CSNK1G2: variants seen among roughly 807,000 people sequenced by gnomAD.
The protein encoded by CSNK1G2 is casein kinase 1 gamma 2.
In CSNK1G2, 11 loss-of-function variants were observed where a neutral mutation model predicts 48.0. That is an observed-to-expected ratio of 0.23 (90% confidence interval 0.14 to 0.38). CSNK1G2 has a LOEUF of 0.38. Among genes scored for constraint, CSNK1G2 ranks in the 10% least tolerant of loss-of-function variants. CSNK1G2 has a pLI of 1.00. For synonymous variants in CSNK1G2, 337 were observed against 254.1 expected, an observed-to-expected ratio of 1.33 and a Z score of -3.10; for missense variants, 446 against 595.5, an observed-to-expected ratio of 0.75 and a Z score of 2.61.
intron 1 of CSNK1G2, among the ~76,000 whole-genome samples, chr19:1,960,384 C>G (rs1414269507): frequency 1.3e-5 from 2 of 152,202 alleles, no homozygotes; most frequent in African/African-American, 4.8e-5. Context: ...CTCGGGCAGC[C>G]TCCAGCCCTC....
At chr19:1,971,925 A>C (rs2015587075) in intron 2 of CSNK1G2, among the ~76,000 whole-genome samples, 1 of 151,902 alleles carries the variant, frequency 6.6e-6, no homozygotes, top group African/African-American at 2.4e-5. Context: ...GCCCGCCACC[A>C]CACCCGGCTA....
intron 1 of CSNK1G2, among the ~76,000 whole-genome samples, chr19:1,963,152 CAG>C (rs927142178): frequency 1.6e-4 from 24 of 152,134 alleles, no homozygotes; most frequent in African/African-American, 5.6e-4. Flanking sequence ...GCCACAGAGA[CAG>C]GGAGTAACGT....
chr19:1,942,679 G>C (rs564679918), intron 1 of CSNK1G2: 3 of 152,436 alleles, frequency 2.0e-5, no homozygotes, highest in Admixed American at 1.3e-4. Flanking sequence ...TCGGATTAGG[G>C]AGGGGGCTGG....
intron 1 of CSNK1G2, among the ~76,000 whole-genome samples, chr19:1,946,286 ATTT>A (rs763689360): frequency 0.018 from 2,520 of 140,554 alleles, 63 homozygotes; most frequent in African/African-American, 0.058. Flanking sequence ...TTATTTATTT[ATTT>A]TTTATTTATT....
chr19:1,952,336 T>C (rs1002040791), intron 1 of CSNK1G2, among the ~76,000 whole-genome samples: 15 of 151,964 alleles, frequency 9.9e-5, no homozygotes, highest in Non-Finnish European at 2.1e-4. Context: ...TTTTTTTTTT[T>C]TCTTGAGACA....
chr19:1,966,189 T>G (rs2015360440), intron 1 of CSNK1G2, among the ~76,000 whole-genome samples: 1 of 152,152 alleles, frequency 6.6e-6, no homozygotes, highest in South Asian at 2.1e-4. Context: ...CTGGGGAAAT[T>G]GGGTAAATTG....
chr19:1,950,270 G>C (rs944862971), intron 1 of CSNK1G2, among the ~76,000 whole-genome samples: 3 of 151,840 alleles, frequency 2.0e-5, no homozygotes, highest in Non-Finnish European at 2.9e-5. Flanking sequence ...CTCCCGAGTA[G>C]CTGGGACTAC....
chr19:1,970,716 C>T lies in CSNK1G2; in HGVS notation c.187+757C>T, dbSNP rs186321995. On this transcript the variant is annotated intron_variant, in intron 2 of 11. Transcript: ENST00000255641. Reference sequence around the variant, plus strand: ...AAATTTATTGCTGGTGCTGCCGGAGCTCCTGCGGGAGGGCATTTGGCGTCT... The same window carrying T: ...AAATTTATTGCTGGTGCTGCCGGAGTTCCTGCGGGAGGGCATTTGGCGTCT... Among the ~76,000 whole-genome samples the T allele has an allele frequency of 5.8e-4, 88 of 152,332 alleles. No homozygotes were observed. In the Middle Eastern group the frequency reaches 0.014, roughly 24 times the overall value.
intron 2 of CSNK1G2, among the ~76,000 whole-genome samples, chr19:1,970,565 C>A (rs571175803): frequency 6.6e-6 from 1 of 152,320 alleles, no homozygotes; most frequent in South Asian, 2.1e-4. Flanking sequence ...GCCAGGGGTG[C>A]CTTCCCTGGG....
chr19:1,974,729 G>T (rs1275622940), intron 2 of CSNK1G2: 1 of 152,198 alleles, frequency 6.6e-6, no homozygotes, highest in African/African-American at 2.4e-5. Flanking sequence ...GGGTAAACAT[G>T]AGCGACTCCA....
Position 1,952,984 on chromosome 19 carries a change from C to T in CSNK1G2, c.-266+11566C>T, listed in dbSNP as rs762859796. 2.5e-5 allele frequency: 11 copies of T among 434,890 alleles called. No homozygotes were observed. In the Admixed American group the frequency reaches 3.7e-4, roughly 15 times the overall value. The allele number at this position is 434,890 out of a possible 1,614,324, so 26.9% of individuals were successfully genotyped here. A position where few individuals can be genotyped will look rare whatever the true frequency, so the allele number is the denominator to read the frequency against. On this transcript the variant is annotated intron_variant, in intron 1 of 11. Transcript: ENST00000255641. ...CACACGATGAGGGGAAAAGGCACTC[C>T]AGTCTGGGTGGCAGAGCGAGACTCC...
At chr19:1,945,979 G>A (rs2014539997) in intron 1 of CSNK1G2, among the ~76,000 whole-genome samples, 1 of 152,172 alleles carries the variant, frequency 6.6e-6, no homozygotes, top group Non-Finnish European at 1.5e-5. Flanking sequence ...GTGGAGTGGG[G>A]CAAGAGACTC....
intron 1 of CSNK1G2, chr19:1,954,116 T>TG (rs1315241561): frequency 2.5e-6 from 1 of 403,122 alleles, no homozygotes; most frequent in African/African-American, 2.2e-5. Context: ...GTTTCTCTTT[T>TG]GCACCTGATG....
At chr19:1,965,330 C>T (rs1190437820) in intron 1 of CSNK1G2, among the ~76,000 whole-genome samples, 6 of 149,990 alleles carry the variant, frequency 4.0e-5, no homozygotes, top group African/African-American at 9.8e-5. Context: ...TTGCAGTGAG[C>T]CGAGATTGTG....
At chr19:1,972,001 C>T (rs2015590452) in intron 2 of CSNK1G2, among the ~76,000 whole-genome samples, 2 of 152,306 alleles carry the variant, frequency 1.3e-5, no homozygotes, top group East Asian at 1.9e-4. Context: ...GATCTCCTGA[C>T]CTTGTGATCC....
chr19:1,954,184 GC>G, intron 1 of CSNK1G2: 1 of 391,268 alleles, frequency 2.6e-6, no homozygotes, highest in Non-Finnish European at 5.1e-6. Context: ...GGCCGCGGCA[GC>G]TCCTGCGCCC....
intron 1 of CSNK1G2, 85 bp downstream of exon 1, chr19:1,941,503 C>T (rs1355299722): frequency 1.4e-5 from 2 of 143,646 alleles, no homozygotes; most frequent in African/African-American, 2.5e-5. Context: ...CGCCCCCGCC[C>T]CCACACTCGG....
chr19:1,973,285 G>A (rs1389626849), intron 2 of CSNK1G2, among the ~76,000 whole-genome samples: 13 of 151,642 alleles, frequency 8.6e-5, no homozygotes, highest in African/African-American at 2.2e-4. Context: ...GTGCAGTGGC[G>A]CGATCTCGGC....
chr19:1,946,682 G>A (rs1246141049), intron 1 of CSNK1G2, among the ~76,000 whole-genome samples: 4 of 134,698 alleles, frequency 3.0e-5, no homozygotes, highest in East Asian at 2.3e-4. Flanking sequence ...GCGCAATCTT[G>A]GCTCACTGCA....
Sources: allele counts gnomAD v4.1 joint callset (sites outside exome capture counted in the v4.1 genomes callset), GRCh38; gene constraint gnomAD v4.1.1; transcripts MANE v1.5; gene names NCBI Gene and HGNC (gene_info 2026-07-23, HGNC 2026-07-21).